The following PRKN variants were observed in gnomAD, a reference collection of about 807,000 sequenced individuals.
PRKN encodes E3 ubiquitin-protein ligase parkin.
A neutral mutation model predicts 59.5 loss-of-function variants in PRKN; 56 were observed. The observed-to-expected ratio is 0.94, with a 90% confidence interval of 0.76 to 1.18. The LOEUF (loss-of-function observed/expected upper bound fraction) is 1.18, where lower values mean the gene tolerates loss of function less well. Among genes scored for constraint, PRKN ranks in the 50% most tolerant of loss-of-function variants. The probability of loss-of-function intolerance (pLI) is 0.00; values close to 1 mark genes in which losing one functional copy is unlikely to be tolerated. For missense variants in PRKN, 657 were observed against 596.4 expected, an observed-to-expected ratio of 1.10 and a Z score of -1.06; for synonymous variants, 250 against 222.1, an observed-to-expected ratio of 1.13 and a Z score of -1.12.
chr6:161,490,327 TGCTTGCTTGCTTTCTC>T (rs1164286528), intron 9 of PRKN, among the ~76,000 whole-genome samples: 2 of 146,662 alleles, frequency 1.4e-5, no homozygotes, highest in East Asian at 4.0e-4. Context: ...CTTGCTTGCT[TGCTTGCTTGCTTTCTC>T]TCTCTCTCTC....
rs1554275447 is a variant in PRKN, at chr6:161,552,789, T to TG, written c.934-3787_934-3786insC. Reference sequence around the variant, plus strand: ...AAAGACACCATGGTTTTGTTGTTGTTTTTGTTTTTTGTTTTTTTTTTTTAG... The same window carrying TG: ...AAAGACACCATGGTTTTGTTGTTGTTGTTTGTTTTTTGTTTTTTTTTTTTAG... On this transcript the variant is annotated intron_variant, in intron 8 of 11. Coordinates refer to ENST00000366898, the MANE Select transcript of PRKN (RefSeq NM_004562.3). The surrounding 1 kb of genome is among the most constrained non-coding windows in gnomAD (Gnocchi z 4.9). 0.23 allele frequency among the ~76,000 whole-genome samples: 19,990 copies of TG among 86,996 alleles called. 1,753 individuals carry two copies. Among genetic ancestry groups the TG allele is most frequent in the Middle Eastern group, 0.29 (42 of 144 alleles). 57.1% of individuals were successfully genotyped at this position (86,996 alleles called of 152,430 possible).
chr6:162,535,125 T>C (rs373648033), intron 1 of PRKN, among the ~76,000 whole-genome samples: 7 of 152,230 alleles, frequency 4.6e-5, no homozygotes, highest in South Asian at 2.1e-4. Context: ...AAGATCTATA[T>C]CTCACCAGAG....
chr6:162,457,337 T>A (rs1203745805), intron 1 of PRKN, among the ~76,000 whole-genome samples: 1 of 152,192 alleles, frequency 6.6e-6, no homozygotes, highest in Non-Finnish European at 1.5e-5. Flanking sequence ...ATTAGCAAGA[T>A]GATACTGAAG....
chr6:162,528,573 T>C (rs1778384919), intron 1 of PRKN, among the ~76,000 whole-genome samples: 1 of 152,190 alleles, frequency 6.6e-6, no homozygotes, highest in South Asian at 2.1e-4. Flanking sequence ...AAGTATCATG[T>C]ACGCAACACC....
intron 7 of PRKN, among the ~76,000 whole-genome samples, chr6:161,722,811 T>C (rs1477050510): frequency 6.6e-6 from 1 of 152,242 alleles, no homozygotes; most frequent in African/African-American, 2.4e-5. Context: ...TTTTACAATT[T>C]TTCTTTAAAA....
chr6:162,509,108 A>G (rs1197130724), intron 1 of PRKN, among the ~76,000 whole-genome samples: 1 of 152,200 alleles, frequency 6.6e-6, no homozygotes, highest in Non-Finnish European at 1.5e-5. Flanking sequence ...TGTTGTGGCC[A>G]ATAACAAATA....
Position 161,525,016 on chromosome 6 carries a change from C to A in PRKN, c.1083+23838G>T, listed in dbSNP as rs921209359. ...ACATCTTTTACACATTTCAAAACAT[C>A]AAATATGTTTGTTGTAGCTTGTTCT... On this transcript the variant is annotated intron_variant, in intron 9 of 11. Coordinates refer to ENST00000366898, the MANE Select transcript of PRKN (RefSeq NM_004562.3). The surrounding 1 kb of genome is among the most constrained non-coding windows in gnomAD (Gnocchi z 4.7). 1.3e-5 allele frequency among the ~76,000 whole-genome samples: 2 copies of A among 152,104 alleles called. No individual in the cohort carries two copies. The highest frequency in any genetic ancestry group is 2.1e-4 in the South Asian group (1 of 4,826).
chr6:162,199,274 G>A (rs1480714280), intron 4 of PRKN, among the ~76,000 whole-genome samples: 1 of 151,690 alleles, frequency 6.6e-6, no homozygotes, highest in Non-Finnish European at 1.5e-5. Flanking sequence ...GACAGTCCAG[G>A]TTCAACCTCC....
In PRKN at chr6:162,601,716, T is replaced by G. The variant is rs574577998; in HGVS notation, c.7+125946A>C. Among the ~76,000 whole-genome samples the G allele has an allele frequency of 5.3e-5, 8 of 152,326 alleles. No individual in the cohort carries two copies. In the South Asian group the frequency reaches 1.7e-3, roughly 32 times the overall value. On this transcript the variant is annotated intron_variant, in intron 1 of 11. Transcript: ENST00000366898. Reference sequence around the variant, plus strand: ...TATATGAGGAGTACATTTTTATATATGAGGAGTACATTTTTATATATGAGG... The same window carrying G: ...TATATGAGGAGTACATTTTTATATAGGAGGAGTACATTTTTATATATGAGG...
chr6:161,552,879 C>T lies in PRKN; in HGVS notation c.934-3876G>A, dbSNP rs1780092921. Among the ~76,000 whole-genome samples, 1 of 150,536 alleles carries T rather than the reference C, an allele frequency of 6.6e-6. No individual in the cohort carries two copies. Among genetic ancestry groups the T allele is most frequent in the African/African-American group, 2.4e-5 (1 of 41,056 alleles). On this transcript the variant is annotated intron_variant, in intron 8 of 11. Coordinates refer to ENST00000366898, the MANE Select transcript of PRKN (RefSeq NM_004562.3). This position sits in a 1 kb window ranked among gnomAD's most constrained non-coding sequence, Gnocchi z 4.9. The stretch of plus-strand genomic sequence containing the variant: ...AATCTCGGCTCACTGCAACCTTCAT[C>T]TCTTGGGTTCAAGCGATTCTCCTGC...
chr6:162,698,298 C>A (rs1318471168), intron 1 of PRKN, among the ~76,000 whole-genome samples: 3 of 59,712 alleles, frequency 5.0e-5, no homozygotes, highest in Non-Finnish European at 1.1e-4. Context: ...CACTACACTT[C>A]CCAACTTCTT....
intron 9 of PRKN, among the ~76,000 whole-genome samples, chr6:161,450,428 AT>A (rs1472738038): frequency 6.6e-6 from 1 of 152,202 alleles, no homozygotes; most frequent in Non-Finnish European, 1.5e-5. Context: ...AAGTGATACC[AT>A]TTACCCTACT....
chr6:161,727,616 T>G (rs1787497130), intron 7 of PRKN, among the ~76,000 whole-genome samples: 1 of 152,230 alleles, frequency 6.6e-6, no homozygotes. Context: ...GTGATCATCC[T>G]GTGTTGATGG....
In PRKN at chr6:161,639,103, G is replaced by A. The variant is rs929706942; in HGVS notation, c.872-69687C>T. The stretch of plus-strand genomic sequence containing the variant: ...TCCTTGCTGCCGCCATGTGAAGAAG[G>A]ACATGTTTGCTTTCCCTTCCGCCAT... On this transcript the variant is annotated intron_variant, in intron 7 of 11. Coordinates refer to ENST00000366898, the MANE Select transcript of PRKN (RefSeq NM_004562.3). 4.6e-5 allele frequency among the ~76,000 whole-genome samples: 7 copies of A among 152,282 alleles called. 1 individual carries two copies. The highest frequency in any genetic ancestry group is 4.6e-4 in the Admixed American group (7 of 15,304).
chr6:162,540,534 G>A (rs1032614651), intron 1 of PRKN, among the ~76,000 whole-genome samples: 3 of 152,156 alleles, frequency 2.0e-5, no homozygotes, highest in East Asian at 1.9e-4. Flanking sequence ...CTGGCTGGGC[G>A]TGGTGGCTCA....
intron 9 of PRKN, among the ~76,000 whole-genome samples, chr6:161,514,641 G>A (rs139357945): frequency 2.0e-4 from 31 of 152,140 alleles, no homozygotes; most frequent in African/African-American, 7.2e-4. Flanking sequence ...GGAGTTGGGG[G>A]ATAGCCGTTT....
At chr6:161,519,044 CT>C (rs1778721520) in intron 9 of PRKN, among the ~76,000 whole-genome samples, 1 of 152,214 alleles carries the variant, frequency 6.6e-6, no homozygotes, top group Admixed American at 6.5e-5. Context: ...GCGCAATGTA[CT>C]TGTAACACCC....
intron 1 of PRKN, among the ~76,000 whole-genome samples, chr6:162,530,998 A>C (rs542491703): frequency 6.7e-6 from 1 of 149,474 alleles, no homozygotes; most frequent in Non-Finnish European, 1.5e-5. Context: ...CGGAGATTGC[A>C]GTAAACCAAG....
At chr6:161,723,186 T>G (rs900140592) in intron 7 of PRKN, among the ~76,000 whole-genome samples, 1 of 151,738 alleles carries the variant, frequency 6.6e-6, no homozygotes, top group Admixed American at 6.6e-5. Flanking sequence ...GAGAATCGCT[T>G]GAACCCCAGG....
Sources: gnomAD v4.1 joint callset for allele counts (sites outside exome capture counted in the v4.1 genomes callset) on GRCh38, gnomAD v4.1.1 for gene constraint, Gnocchi (gnomAD v3.1) non-coding constraint, MANE v1.5 for transcripts, NCBI Gene and HGNC (gene_info 2026-07-23, HGNC 2026-07-21) for gene names.